Variants in ELAPOR1 observed in about 807,000 individuals in gnomAD.
ELAPOR1 encodes the protein endosome-lysosome associated apoptosis and autophagy regulator 1.
Under a neutral mutation model 119.7 loss-of-function variants are expected in ELAPOR1, and 77 were observed. That is an observed-to-expected ratio of 0.64 (90% CI 0.54 to 0.78). The LOEUF (loss-of-function observed/expected upper bound fraction) is 0.78. Among genes scored for constraint, ELAPOR1 ranks in the 30% least tolerant of loss-of-function variants. ELAPOR1 has a pLI of 0.00. For synonymous variants in ELAPOR1, 481 were observed against 487.2 expected, an observed-to-expected ratio of 0.99 and a Z score of 0.17; for missense variants, 1,115 against 1,270.4, an observed-to-expected ratio of 0.88 and a Z score of 1.86.
At chr1:109,156,922 G>A (rs1650912556) in intron 1 of ELAPOR1, among the ~76,000 whole-genome samples, 1 of 152,192 alleles carries the variant, frequency 6.6e-6, no homozygotes, top group African/African-American at 2.4e-5. Context: ...TAATAAGGAG[G>A]CAATAGTTCC....
chr1:109,199,827 G>A, intron 18 of ELAPOR1, 27 bp from the exon 19 acceptor site: 1 of 1,606,318 alleles, frequency 6.2e-7, no homozygotes, highest in Non-Finnish European at 8.5e-7. Context: ...GCGAGTGAGA[G>A]CTCAGGTCTC....
At chr1:109,132,620 A>T (rs1408636580) in intron 1 of ELAPOR1, among the ~76,000 whole-genome samples, 2 of 152,222 alleles carry the variant, frequency 1.3e-5, no homozygotes, top group Non-Finnish European at 2.9e-5. Context: ...CTCTTCTGAG[A>T]CAATGATAAC....
chr1:109,146,132 C>A (rs1209882406), intron 1 of ELAPOR1, among the ~76,000 whole-genome samples: 1 of 151,960 alleles, frequency 6.6e-6, no homozygotes, highest in Non-Finnish European at 1.5e-5. Context: ...GGCAACATGG[C>A]AAATCCCCAT....
chr1:109,149,370 A>G (rs570813405), intron 1 of ELAPOR1, among the ~76,000 whole-genome samples: 2 of 152,180 alleles, frequency 1.3e-5, no homozygotes, highest in East Asian at 3.9e-4. Flanking sequence ...ATCCAGAGAA[A>G]TCAGTGTTAC....
chr1:109,131,440 A>G (rs1264800375), intron 1 of ELAPOR1, among the ~76,000 whole-genome samples: 1 of 152,178 alleles, frequency 6.6e-6, no homozygotes, highest in Non-Finnish European at 1.5e-5. Flanking sequence ...GCGTATAATG[A>G]AAGCATCCAT....
At chr1:109,165,456 A>G (rs1651530113) in intron 3 of ELAPOR1, among the ~76,000 whole-genome samples, 1 of 151,948 alleles carries the variant, frequency 6.6e-6, no homozygotes, top group African/African-American at 2.4e-5. Context: ...CTGGTGGTGC[A>G]TACCTGTGAT....
At chr1:109,186,459 C>CT in intron 8 of ELAPOR1, 1 of 983,516 alleles carries the variant, frequency 1.0e-6, no homozygotes, top group Non-Finnish European at 1.2e-6. Context: ...TGAATTCTCC[C>CT]TTTCCTAACT....
intron 15 of ELAPOR1, among the ~76,000 whole-genome samples, chr1:109,196,676 C>T (rs1653814300): frequency 6.7e-6 from 1 of 148,210 alleles, no homozygotes; most frequent in Admixed American, 6.8e-5. Flanking sequence ...GGCTGAGACA[C>T]CAGATTTAGC....
intron 1 of ELAPOR1, among the ~76,000 whole-genome samples, chr1:109,161,239 G>A (rs1331149711): frequency 5.3e-5 from 8 of 151,528 alleles, no homozygotes; most frequent in Non-Finnish European, 1.0e-4. Context: ...GTGAAACCCC[G>A]TCTCTACTAA....
At chr1:109,168,436 A>G (rs572208478) in intron 3 of ELAPOR1, among the ~76,000 whole-genome samples, 12 of 152,304 alleles carry the variant, frequency 7.9e-5, no homozygotes, top group African/African-American at 2.9e-4. Context: ...CTCAAAATAG[A>G]CAAAATAAAT....
chr1:109,151,866 C>A (rs1204813719), intron 1 of ELAPOR1, among the ~76,000 whole-genome samples: 1 of 137,882 alleles, frequency 7.3e-6, no homozygotes, highest in African/African-American at 2.6e-5. Flanking sequence ...CGACCCCAGC[C>A]TCATCCTTTT....
intron 1 of ELAPOR1, among the ~76,000 whole-genome samples, chr1:109,129,370 C>T (rs1213942374): frequency 6.6e-5 from 10 of 152,136 alleles, no homozygotes; most frequent in African/African-American, 2.2e-4. Context: ...ATTAGCTGGG[C>T]GTGGTGGCAC....
At chr1:109,114,638 T>A (rs960646462) in intron 1 of ELAPOR1, among the ~76,000 whole-genome samples, 1 of 152,154 alleles carries the variant, frequency 6.6e-6, no homozygotes, top group Non-Finnish European at 1.5e-5. Context: ...AGACGAGTTA[T>A]TTTCCAGTTA....
At chr1:109,195,584 A>G (rs1341678974) in intron 15 of ELAPOR1, among the ~76,000 whole-genome samples, 1 of 152,250 alleles carries the variant, frequency 6.6e-6, no homozygotes, top group Non-Finnish European at 1.5e-5. Context: ...CCCTTGCTTG[A>G]AAAAGCAGTC....
At chr1:109,156,974 T>G (rs1028607755) in intron 1 of ELAPOR1, among the ~76,000 whole-genome samples, 2 of 152,212 alleles carry the variant, frequency 1.3e-5, no homozygotes, top group African/African-American at 2.4e-5. Context: ...GGGTGGACAC[T>G]GGGCAGGCAC....
intron 1 of ELAPOR1, among the ~76,000 whole-genome samples, chr1:109,141,375 C>T (rs1190958945): frequency 6.6e-6 from 1 of 152,022 alleles, no homozygotes; most frequent in Non-Finnish European, 1.5e-5. Flanking sequence ...CATTCTCCTG[C>T]CTCAGCCTCC....
chr1:109,204,858 A>T lies in ELAPOR1; in HGVS notation c.*1846A>T, dbSNP rs978081300. On this transcript the variant is annotated 3_prime_UTR_variant, in exon 22 of 22. Coordinates refer to ENST00000369939, the MANE Select transcript of ELAPOR1 (RefSeq NM_020775.5). Reference sequence around the variant, plus strand: ...GGCTTGAGCTCAGGAGTTCAAGACCAGCCTGGGCAACACAGTGAGACCCTG... The same window carrying T: ...GGCTTGAGCTCAGGAGTTCAAGACCTGCCTGGGCAACACAGTGAGACCCTG... 4 of 152,308 alleles carry T rather than the reference A, an allele frequency of 2.6e-5. No homozygotes were observed. Among genetic ancestry groups the T allele is most frequent in the Non-Finnish European group, 4.4e-5 (3 of 68,096 alleles). The allele number at this position is 152,308 out of a possible 1,614,324, so 9.4% of individuals were successfully genotyped here.
In ELAPOR1 at chr1:109,150,439, C is replaced by T. The variant is rs146633361; in HGVS notation, c.154-11455C>T. ...GGGATTGAGGACGGCCAGCAAAGGC[C>T]GGCAGGACTGGGGTCCATTTGCTTC... On this transcript the variant is annotated intron_variant, in intron 1 of 21. Transcript: ENST00000369939. 4.5e-4 allele frequency among the ~76,000 whole-genome samples: 69 copies of T among 152,262 alleles called. No homozygotes were observed. In the East Asian group the frequency reaches 0.013, roughly 29 times the overall value.
At chr1:109,173,656 C>G (rs201324052) in intron 6 of ELAPOR1, 32 bp from the exon 7 acceptor site, 1 of 1,613,456 alleles carries the variant, frequency 6.2e-7, no homozygotes, top group South Asian at 1.1e-5. Context: ...CAGGCTGAAT[C>G]CTTGCTTTTC....
Sources: gnomAD v4.1 joint callset for allele counts (sites outside exome capture counted in the v4.1 genomes callset) on GRCh38, gnomAD v4.1.1 for gene constraint, MANE v1.5 for transcripts, NCBI Gene and HGNC (gene_info 2026-07-23, HGNC 2026-07-21) for gene names.